Variants in PRDM5 observed in about 807,000 individuals in gnomAD.
The protein encoded by PRDM5 is PR/SET domain 5.
PRDM5 carries 56 observed loss-of-function variants against 81.2 expected under a neutral mutation model. That is an observed-to-expected ratio of 0.69 (90% CI 0.56 to 0.86). The LOEUF (loss-of-function observed/expected upper bound fraction) is 0.86, where lower values mean the gene tolerates loss of function less well. Ranked by LOEUF, PRDM5 falls within the 40% of genes least tolerant of loss-of-function variation. The pLI, the probability that PRDM5 is intolerant of heterozygous loss-of-function variation, is 0.00. For synonymous variants in PRDM5, 267 were observed against 256.4 expected, an observed-to-expected ratio of 1.04 and a Z score of -0.39; for missense variants, 697 against 770.1, an observed-to-expected ratio of 0.91 and a Z score of 1.12.
At chr4:120,797,667 G>T (rs888180092) in intron 10 of PRDM5, among the ~76,000 whole-genome samples, 1 of 152,172 alleles carries the variant, frequency 6.6e-6, no homozygotes, top group African/African-American at 2.4e-5. Context: ...CCATTCTGGG[G>T]CATGCTGAAT....
chr4:120,811,841 G>C (rs1303672354), intron 7 of PRDM5, among the ~76,000 whole-genome samples: 1 of 151,574 alleles, frequency 6.6e-6, no homozygotes, highest in Non-Finnish European at 1.5e-5. Context: ...GGGTAATTGG[G>C]GTACCTATCA....
chr4:120,752,439 A>G (rs1744147226), intron 14 of PRDM5, among the ~76,000 whole-genome samples: 1 of 152,074 alleles, frequency 6.6e-6, no homozygotes, highest in African/African-American at 2.4e-5. Context: ...CTGGTCTATA[A>G]ACTCTCTTGA....
chr4:120,782,714 A>G (rs961343820), intron 11 of PRDM5, among the ~76,000 whole-genome samples: 1 of 152,128 alleles, frequency 6.6e-6, no homozygotes, highest in East Asian at 1.9e-4. Context: ...TTCTGTTTGT[A>G]TAAGTTGTAT....
At chr4:120,748,664 A>G (rs1743511711) in intron 14 of PRDM5, among the ~76,000 whole-genome samples, 1 of 151,892 alleles carries the variant, frequency 6.6e-6, no homozygotes, top group Non-Finnish European at 1.5e-5. Context: ...AAATTCCCCA[A>G]AAGAGGACCT....
At chr4:120,735,881 G>C (rs1741035953) in intron 14 of PRDM5, among the ~76,000 whole-genome samples, 1 of 152,134 alleles carries the variant, frequency 6.6e-6, no homozygotes, top group African/African-American at 2.4e-5. Context: ...TGGGGTACGA[G>C]TGCAATTTTG....
chr4:120,818,147 G>T, intron 5 of PRDM5: 1 of 550,026 alleles, frequency 1.8e-6, no homozygotes, highest in Non-Finnish European at 3.2e-6. Context: ...TCCATAATTT[G>T]AATATTTTAA....
chr4:120,731,322 G>C (rs1740217528), intron 14 of PRDM5, among the ~76,000 whole-genome samples: 1 of 151,528 alleles, frequency 6.6e-6, no homozygotes, highest in South Asian at 2.1e-4. Context: ...AGATGAGATG[G>C]TCAGAAAATG....
chr4:120,824,903 G>A (rs17051267), intron 3 of PRDM5, among the ~76,000 whole-genome samples: 2,833 of 152,224 alleles, frequency 0.019, 92 homozygotes, highest in African/African-American at 0.064. Context: ...GGAGGAAATC[G>A]TGAGTACTTT....
Position 120,907,350 on chromosome 4 carries a change from A to C in PRDM5, c.177+124T>G, listed in dbSNP as rs201246695. The C allele has an allele frequency of 2.9e-4, 261 of 891,360 alleles. 1 individual carries two copies. In the East Asian group the frequency reaches 4.4e-3, roughly 15 times the overall value. 55.2% of individuals were successfully genotyped at this position (891,360 alleles called of 1,614,324 possible). ...TCTCCATCTCAAAAAAAAAAAAAAA[A>C]ACCTAAAACATTTCAATACTTAAAT... On this transcript the variant is annotated intron_variant, in intron 2 of 15. Transcript: ENST00000264808.
intron 14 of PRDM5, among the ~76,000 whole-genome samples, chr4:120,738,440 T>C (rs1354985586): frequency 2.0e-5 from 3 of 152,234 alleles, no homozygotes; most frequent in Non-Finnish European, 4.4e-5. Context: ...CTTATTTATA[T>C]AAATTTCAGT....
intron 2 of PRDM5, among the ~76,000 whole-genome samples, chr4:120,871,075 G>T (rs1761736424): frequency 6.6e-6 from 1 of 152,086 alleles, no homozygotes; most frequent in Non-Finnish European, 1.5e-5. Flanking sequence ...TCTCCACATG[G>T]GAAGAGGGAA....
intron 3 of PRDM5, among the ~76,000 whole-genome samples, chr4:120,837,146 T>C (rs1025710444): frequency 5.5e-4 from 83 of 152,152 alleles, no homozygotes; most frequent in African/African-American, 1.9e-3. Flanking sequence ...ATACTACAAC[T>C]ACCTGATTAT....
chr4:120,843,646 A>T (rs1171798358), intron 3 of PRDM5, among the ~76,000 whole-genome samples: 1 of 151,598 alleles, frequency 6.6e-6, no homozygotes, highest in Non-Finnish European at 1.5e-5. Context: ...AGCCATGATC[A>T]GGCCACTGCA....
intron 14 of PRDM5, among the ~76,000 whole-genome samples, chr4:120,743,099 G>A (rs1433024642): frequency 6.6e-6 from 1 of 151,972 alleles, no homozygotes; most frequent in Non-Finnish European, 1.5e-5. Context: ...AACCCTACAA[G>A]CCAGAAGAGA....
rs559568673 is a variant in PRDM5 at position 120,736,433 on chromosome 4, G to T, written c.1623+18120C>A. Among the ~76,000 whole-genome samples, 7 of 152,224 alleles carry T rather than the reference G, an allele frequency of 4.6e-5. No homozygotes were observed. In the South Asian group the frequency reaches 1.5e-3, roughly 32 times the overall value. ...AACTAATCGATGATTGATGATGCTG[G>T]TAGTGGCCAGTAACCAGCGAGAGAC... On this transcript the variant is annotated intron_variant, in intron 14 of 15. Coordinates refer to ENST00000264808, the MANE Select transcript of PRDM5 (RefSeq NM_018699.4).
At position 120,699,161 on chromosome 4, in the gene PRDM5, AATATAT is replaced by A. The variant is rs70948358; in HGVS notation, c.1729-3892_1729-3887del. Among the ~76,000 whole-genome samples, 657 of 73,358 alleles carry A rather than the reference AATATAT, an allele frequency of 9.0e-3. 5 individuals are homozygous for A. Among genetic ancestry groups the A allele is most frequent in the African/African-American group, 0.021 (469 of 22,414 alleles). The allele number at this position is 73,358 out of a possible 152,430, so 48.1% of individuals were successfully genotyped here. A position where few individuals can be genotyped will look rare whatever the true frequency, so the allele number is the denominator to read the frequency against. ...TGTATAGGCAATTATAGGAAATATA[AATATAT>A]ATATATATATATATATATATATATA... On this transcript the variant is annotated intron_variant, in intron 15 of 15. Transcript: ENST00000264808.
At chr4:120,805,390 C>A (rs1752766080) in intron 8 of PRDM5, among the ~76,000 whole-genome samples, 1 of 152,072 alleles carries the variant, frequency 6.6e-6, no homozygotes, top group Non-Finnish European at 1.5e-5. Flanking sequence ...CTGGCAGAGA[C>A]AGAATAAAAA....
chr4:120,723,564 C>T (rs190870029), intron 14 of PRDM5, among the ~76,000 whole-genome samples: 8 of 151,742 alleles, frequency 5.3e-5, no homozygotes, highest in African/African-American at 1.7e-4. Context: ...AATTATGATG[C>T]AAACTTCGAA....
intron 13 of PRDM5, among the ~76,000 whole-genome samples, chr4:120,756,872 T>C (rs561227668): frequency 2.0e-5 from 3 of 152,298 alleles, no homozygotes; most frequent in South Asian, 2.1e-4. Flanking sequence ...ATAAGAATAG[T>C]AACATGTTAT....
Sources: gnomAD v4.1 joint callset for allele counts (sites outside exome capture counted in the v4.1 genomes callset) on GRCh38, gnomAD v4.1.1 for gene constraint, MANE v1.5 for transcripts, NCBI Gene and HGNC (gene_info 2026-07-23, HGNC 2026-07-21) for gene names.